ALK: variants seen among roughly 807,000 people sequenced by gnomAD.
ALK encodes the protein ALK receptor tyrosine kinase.
Under a neutral mutation model 163.1 loss-of-function variants are expected in ALK, and 74 were observed. The observed-to-expected ratio is 0.45, with a 90% CI of 0.38 to 0.55. The LOEUF (loss-of-function observed/expected upper bound fraction) is 0.55, where lower values mean the gene tolerates loss of function less well. ALK is among the 20% of genes least tolerant of loss of function. The probability of loss-of-function intolerance (pLI) is 0.00; values close to 1 mark genes in which losing one functional copy is unlikely to be tolerated. For missense variants in ALK, 2,063 were observed against 2,105.3 expected, an observed-to-expected ratio of 0.98 and a Z score of 0.39; for synonymous variants, 960 against 843.2, an observed-to-expected ratio of 1.14 and a Z score of -2.40.
intron 3 of ALK, among the ~76,000 whole-genome samples, chr2:29,683,393 C>CA (rs1163709777): frequency 2.0e-5 from 3 of 151,808 alleles, no homozygotes; most frequent in East Asian, 3.9e-4. Context: ...GAAAGAAAAA[C>CA]AAAAAACAAA....
At chr2:29,909,812 T>C (rs1000039053) in intron 1 of ALK, among the ~76,000 whole-genome samples, 3 of 152,148 alleles carry the variant, frequency 2.0e-5, no homozygotes, top group African/African-American at 7.2e-5. Context: ...AAACTAACCA[T>C]AGAATAAAGA....
chr2:29,916,306 C>T (rs537171926), intron 1 of ALK, among the ~76,000 whole-genome samples: 1 of 152,324 alleles, frequency 6.6e-6, no homozygotes, highest in East Asian at 1.9e-4. Flanking sequence ...TAACTCCTCT[C>T]CTTCACTGCC....
chr2:29,555,713 G>T (rs573695714), intron 3 of ALK, among the ~76,000 whole-genome samples: 1 of 152,300 alleles, frequency 6.6e-6, no homozygotes, highest in Non-Finnish European at 1.5e-5. Flanking sequence ...CTGGTATCTT[G>T]CATCTTACAT....
intron 4 of ALK, among the ~76,000 whole-genome samples, chr2:29,392,577 T>TG (rs1558304731): frequency 6.6e-6 from 1 of 151,870 alleles, no homozygotes; most frequent in Non-Finnish European, 1.5e-5. Context: ...GCAGGCTTGT[T>TG]GGGGGCTGAT....
intron 4 of ALK, among the ~76,000 whole-genome samples, chr2:29,386,971 C>T (rs1055338998): frequency 1.3e-5 from 2 of 152,198 alleles, no homozygotes; most frequent in African/African-American, 4.8e-5. Flanking sequence ...CTGCTTTTGT[C>T]CCTTCGGCTG....
chr2:29,822,143 G>A lies in ALK; in HGVS notation c.667+97850C>T, dbSNP rs143120837. ...ATAATCCAGTAAAATCAGCTCCCAA[G>A]TCCCAATGCCACCTGATTCAGCAGA... On this transcript the variant is annotated intron_variant, in intron 1 of 28. Transcript: ENST00000389048. 7.6e-4 allele frequency among the ~76,000 whole-genome samples: 115 copies of A among 152,238 alleles called. 1 individual carries two copies. In the East Asian group the frequency reaches 0.019, roughly 25 times the overall value.
intron 3 of ALK, among the ~76,000 whole-genome samples, chr2:29,587,189 G>A (rs758861047): frequency 2.0e-5 from 3 of 152,172 alleles, no homozygotes; most frequent in African/African-American, 7.2e-5. Context: ...TTAGACTTGG[G>A]CACAGACACC....
chr2:29,867,344 A>C (rs1381737879), intron 1 of ALK, among the ~76,000 whole-genome samples: 1 of 152,240 alleles, frequency 6.6e-6, no homozygotes, highest in Non-Finnish European at 1.5e-5. Context: ...TAGCGAGAGT[A>C]GAAGAACCAT....
Position 29,333,473 on chromosome 2 carries a change from C to A in ALK, c.1283-4992G>T, listed in dbSNP as rs562616848. On this transcript the variant is annotated intron_variant, in intron 5 of 28. Coordinates refer to ENST00000389048, the MANE Select transcript of ALK (RefSeq NM_004304.5). ...TCCAAATTTATTTTTTAGGGAATTG[C>A]CAACGTATCGATTAGGTTCTTCCTG... Among the ~76,000 whole-genome samples, 201 of 152,204 alleles carry A rather than the reference C, an allele frequency of 1.3e-3. 1 individual carries two copies. The highest frequency in any genetic ancestry group is 4.5e-3 in the African/African-American group (188 of 41,518).
At position 29,520,332 on chromosome 2, in the gene ALK, C is replaced by T. The variant is rs187269911; in HGVS notation, c.1154+11583G>A. Among the ~76,000 whole-genome samples, 183 of 152,300 alleles carry T rather than the reference C, an allele frequency of 1.2e-3. 1 individual carries two copies. The highest frequency in any genetic ancestry group is 5.6e-3 in the Admixed American group (86 of 15,304). ...TATAGATGCATTCTTAAAACCATGT[C>T]GCAAGTTTTCAAAGAGTTTCTGGTC... On this transcript the variant is annotated intron_variant, in intron 4 of 28. Transcript: ENST00000389048.
chr2:29,424,890 A>G (rs1670098050), intron 4 of ALK, among the ~76,000 whole-genome samples: 1 of 152,212 alleles, frequency 6.6e-6, no homozygotes, highest in African/African-American at 2.4e-5. Context: ...CTTTCCATTG[A>G]GGGTACCATA....
intron 1 of ALK, among the ~76,000 whole-genome samples, chr2:29,778,795 G>A (rs577197483): frequency 2.4e-4 from 37 of 152,274 alleles, no homozygotes; most frequent in African/African-American, 8.9e-4. Context: ...GTATTACAAT[G>A]TCTGTGCCTG....
At chr2:29,318,078 A>G (rs1312261724) in intron 8 of ALK, among the ~76,000 whole-genome samples, 1 of 152,236 alleles carries the variant, frequency 6.6e-6, no homozygotes, top group African/African-American at 2.4e-5. Flanking sequence ...TACTGCAAGT[A>G]GTTCAGTGCA....
At chr2:29,353,415 G>A (rs1668166316) in intron 5 of ALK, among the ~76,000 whole-genome samples, 1 of 152,130 alleles carries the variant, frequency 6.6e-6, no homozygotes, top group Non-Finnish European at 1.5e-5. Context: ...AATTTTCAGG[G>A]AAGAGAGCAA....
intron 4 of ALK, among the ~76,000 whole-genome samples, chr2:29,448,656 T>C (rs1032184696): frequency 6.6e-6 from 1 of 152,176 alleles, no homozygotes; most frequent in African/African-American, 2.4e-5. Context: ...AAAAGCTCCA[T>C]GGGTAAACGG....
chr2:29,616,131 G>A (rs1252195855), intron 3 of ALK, among the ~76,000 whole-genome samples: 4 of 152,210 alleles, frequency 2.6e-5, no homozygotes, highest in African/African-American at 9.6e-5. Flanking sequence ...ATTATGTCAC[G>A]AGACAGAGTA....
intron 1 of ALK, among the ~76,000 whole-genome samples, chr2:29,835,056 G>C (rs1381874439): frequency 6.6e-6 from 1 of 152,242 alleles, no homozygotes; most frequent in East Asian, 1.9e-4. Flanking sequence ...CGGGGCTGGT[G>C]AGTGGGTAAA....
At chr2:29,462,923 C>T (rs1186257183) in intron 4 of ALK, among the ~76,000 whole-genome samples, 2 of 151,894 alleles carry the variant, frequency 1.3e-5, no homozygotes, top group East Asian at 1.9e-4. Flanking sequence ...ATAAATATAG[C>T]CAATAACAAG....
At chr2:29,505,945 G>A (rs10173116) in intron 4 of ALK, among the ~76,000 whole-genome samples, 21 of 152,140 alleles carry the variant, frequency 1.4e-4, no homozygotes, top group Admixed American at 5.9e-4. Flanking sequence ...ACATGGACTC[G>A]TGCAGCAATC....
Sources: gnomAD v4.1 joint callset for allele counts (sites outside exome capture counted in the v4.1 genomes callset) on GRCh38, gnomAD v4.1.1 for gene constraint, MANE v1.5 for transcripts, NCBI Gene and HGNC (gene_info 2026-07-23, HGNC 2026-07-21) for gene names.